Variants in STRBP observed in about 807,000 individuals in gnomAD.
STRBP encodes spermatid perinuclear RNA-binding protein.
STRBP carries 13 observed loss-of-function variants against 80.1 expected under a neutral mutation model. The observed-to-expected ratio is 0.16, with a 90% CI of 0.11 to 0.26. STRBP has a LOEUF of 0.26. STRBP is among the 10% of genes least tolerant of loss of function. The pLI is 1.00. For missense variants in STRBP, 485 were observed against 815.2 expected (o/e 0.59, Z 4.93); for synonymous variants, 284 against 291.2 (o/e 0.98, Z 0.25).
At chr9:123,158,508 G>A in intron 9 of STRBP, 79 bp from the exon 10 acceptor site, 2 of 1,256,446 alleles carry the variant, frequency 1.6e-6, no homozygotes, top group South Asian at 1.3e-5. Flanking sequence ...AGAGATGGCT[G>A]GGGAGAATGA....
intron 11 of STRBP, among the ~76,000 whole-genome samples, chr9:123,154,444 GAA>G (rs927229763): frequency 1.3e-5 from 2 of 152,188 alleles, no homozygotes; most frequent in African/African-American, 4.8e-5. Context: ...ATGATTTTCA[GAA>G]AGTCAGAAAT....
At chr9:123,187,969 ATAGTTT>A (rs1296441407) in intron 2 of STRBP, among the ~76,000 whole-genome samples, 1 of 152,132 alleles carries the variant, frequency 6.6e-6, no homozygotes, top group African/African-American at 2.4e-5. Flanking sequence ...ATCATACAAA[ATAGTTT>A]TAGTTTAACA....
At chr9:123,189,124 C>T (rs2038819292) in intron 2 of STRBP, among the ~76,000 whole-genome samples, 1 of 152,064 alleles carries the variant, frequency 6.6e-6, no homozygotes, top group Admixed American at 6.6e-5. Flanking sequence ...GAATACTATG[C>T]AGCCATAAAA....
intron 1 of STRBP, among the ~76,000 whole-genome samples, chr9:123,248,393 G>A (rs1389964867): frequency 3.3e-5 from 5 of 150,036 alleles, no homozygotes; most frequent in African/African-American, 1.2e-4. Flanking sequence ...TCAGGCTCCT[G>A]AGTAGCTGGG....
At chr9:123,171,492 G>C (rs564039890) in intron 5 of STRBP, among the ~76,000 whole-genome samples, 15 of 152,300 alleles carry the variant, frequency 9.8e-5, no homozygotes, top group Middle Eastern at 3.4e-3. Context: ...AGGAGGGGCG[G>C]AGGGTGCTCG....
intron 1 of STRBP, among the ~76,000 whole-genome samples, chr9:123,264,628 A>G (rs559854580): frequency 2.0e-5 from 3 of 152,224 alleles, no homozygotes; most frequent in Non-Finnish European, 4.4e-5. Flanking sequence ...ATTTCTAGAG[A>G]AGAAACCAGC....
At chr9:123,161,482 T>C (rs1211380097) in intron 6 of STRBP, among the ~76,000 whole-genome samples, 2 of 152,164 alleles carry the variant, frequency 1.3e-5, no homozygotes, top group Non-Finnish European at 2.9e-5. Context: ...GAAATTTTAA[T>C]CTCTAACCAT....
chr9:123,202,275 T>A (rs1283759198), intron 2 of STRBP, among the ~76,000 whole-genome samples: 9 of 152,180 alleles, frequency 5.9e-5, no homozygotes, highest in Non-Finnish European at 8.8e-5. Flanking sequence ...ACCTAGTTTG[T>A]TTGTTTGCTT....
chr9:123,160,675 G>A (rs560373053), intron 7 of STRBP, among the ~76,000 whole-genome samples: 1 of 152,252 alleles, frequency 6.6e-6, no homozygotes. Context: ...GTAGTCTCAT[G>A]GCAACCCCAC....
At chr9:123,133,728 CAG>C (rs2036240648) in intron 16 of STRBP, among the ~76,000 whole-genome samples, 1 of 152,052 alleles carries the variant, frequency 6.6e-6, no homozygotes, top group Non-Finnish European at 1.5e-5. Flanking sequence ...TTAGTAGAGA[CAG>C]GGTTTCACCA....
intron 5 of STRBP, among the ~76,000 whole-genome samples, 154 bp from the exon 6 acceptor site, chr9:123,170,200 A>T (rs2037948850): frequency 6.6e-6 from 1 of 152,166 alleles, no homozygotes; most frequent in Non-Finnish European, 1.5e-5. Flanking sequence ...TTTACTGGGG[A>T]TAACACTTTT....
intron 11 of STRBP, among the ~76,000 whole-genome samples, chr9:123,153,943 A>G (rs1187939088): frequency 6.6e-6 from 1 of 152,196 alleles, no homozygotes; most frequent in African/African-American, 2.4e-5. Context: ...AGCTGAGGAG[A>G]TGGCAACAGA....
chr9:123,232,206 G>A (rs755506147), intron 2 of STRBP, among the ~76,000 whole-genome samples: 1 of 152,094 alleles, frequency 6.6e-6, no homozygotes, highest in Admixed American at 6.6e-5. Context: ...CAGCTACTTG[G>A]GAGGCTGACG....
intron 2 of STRBP, among the ~76,000 whole-genome samples, chr9:123,197,570 TA>T (rs1436367637): frequency 6.6e-6 from 1 of 151,970 alleles, no homozygotes; most frequent in African/African-American, 2.4e-5. Context: ...ACTCATAACT[TA>T]GCTTTCACTT....
intron 14 of STRBP, among the ~76,000 whole-genome samples, chr9:123,137,433 A>G (rs2036404133): frequency 6.6e-6 from 1 of 151,364 alleles, no homozygotes; most frequent in Non-Finnish European, 1.5e-5. Flanking sequence ...GTTTTGAGAC[A>G]GAGTCTCGCT....
intron 1 of STRBP, among the ~76,000 whole-genome samples, chr9:123,266,485 C>T (rs1376101338): frequency 3.9e-5 from 6 of 152,064 alleles, no homozygotes; most frequent in East Asian, 1.9e-4. Flanking sequence ...TAATCCTCTC[C>T]ATTTAGTTAT....
chr9:123,213,210 C>T (rs1280324959), intron 2 of STRBP, among the ~76,000 whole-genome samples: 6 of 152,110 alleles, frequency 3.9e-5, no homozygotes, highest in Non-Finnish European at 5.9e-5. Flanking sequence ...ACCTAATCAG[C>T]GTACTGAAAC....
chr9:123,113,876 G>C (rs187175147), intron 3 of STRBP: 2 of 167,172 alleles, frequency 1.2e-5, no homozygotes, highest in East Asian at 3.9e-4. Flanking sequence ...ATCTATTTAC[G>C]CACTGTCTCT....
At chr9:123,209,491 C>A (rs939651962) in intron 2 of STRBP, among the ~76,000 whole-genome samples, 1 of 152,202 alleles carries the variant, frequency 6.6e-6, no homozygotes, top group Non-Finnish European at 1.5e-5. Flanking sequence ...TAAAGTACTA[C>A]ACAATATGTT....
Sources: allele counts gnomAD v4.1 joint callset (sites outside exome capture counted in the v4.1 genomes callset), GRCh38; gene constraint gnomAD v4.1.1; transcripts MANE v1.5; gene names NCBI Gene and HGNC (gene_info 2026-07-23, HGNC 2026-07-21).